RBM6: variants seen among roughly 807,000 people sequenced by gnomAD.
The protein encoded by RBM6 is RNA-binding protein 6.
Under a neutral mutation model 140.4 loss-of-function variants are expected in RBM6, and 23 were observed. The observed-to-expected ratio is 0.16, with a 90% confidence interval of 0.12 to 0.23. RBM6 has a LOEUF of 0.23. Among genes scored for constraint, RBM6 ranks in the 10% least tolerant of loss-of-function variants. The probability of loss-of-function intolerance (pLI) is 1.00; values close to 1 mark genes in which losing one functional copy is unlikely to be tolerated. For missense variants in RBM6, 1,139 were observed against 1,386.7 expected (o/e 0.82, Z 2.84); for synonymous variants, 439 against 475.6 (o/e 0.92, Z 1.00).
chr3:49,984,634 TCGCATCGCATCGCATCGCATCGC>T (rs2085474848), intron 5 of RBM6, among the ~76,000 whole-genome samples: 3 of 52,952 alleles, frequency 5.7e-5, no homozygotes, highest in African/African-American at 1.7e-4. Flanking sequence ...TCGCATCGCA[TCGCATCGCATCGCATCGCATCGC>T]ATCGCATTGC....
intron 1 of RBM6, among the ~76,000 whole-genome samples, chr3:49,949,879 C>A (rs987648534): frequency 6.6e-6 from 1 of 152,012 alleles, no homozygotes; most frequent in East Asian, 1.9e-4. Flanking sequence ...TATACCACCA[C>A]GCTCAGCTAA....
At chr3:49,989,729 CA>C in intron 5 of RBM6, among the ~76,000 whole-genome samples, 1 of 152,164 alleles carries the variant, frequency 6.6e-6, no homozygotes, top group East Asian at 1.9e-4. Context: ...AAGTTGCTAA[CA>C]GACGTTATTT....
intron 6 of RBM6, among the ~76,000 whole-genome samples, chr3:50,030,478 A>G (rs1387521626): frequency 6.6e-6 from 1 of 152,070 alleles, no homozygotes; most frequent in Non-Finnish European, 1.5e-5. Context: ...CTTTTGTTCC[A>G]CTACCTACTT....
chr3:49,973,489 A>C (rs941396376), intron 4 of RBM6, among the ~76,000 whole-genome samples: 38 of 152,116 alleles, frequency 2.5e-4, no homozygotes, highest in Non-Finnish European at 8.8e-5. Flanking sequence ...GAAACTGGAC[A>C]CTAAAAGGTT....
chr3:49,951,616 G>C (rs943421471), intron 1 of RBM6, among the ~76,000 whole-genome samples: 1 of 151,798 alleles, frequency 6.6e-6, no homozygotes, highest in African/African-American at 2.4e-5. Context: ...TGTTGCCCAG[G>C]CTGGAGTGCA....
At chr3:50,071,668 T>TA (rs2090301762) in intron 19 of RBM6, among the ~76,000 whole-genome samples, 1 of 152,050 alleles carries the variant, frequency 6.6e-6, no homozygotes. Flanking sequence ...GAGTGTGGCT[T>TA]AGAGAGAGGT....
chr3:50,006,020 G>A (rs567916530), intron 6 of RBM6, among the ~76,000 whole-genome samples: 3 of 152,036 alleles, frequency 2.0e-5, no homozygotes, highest in Non-Finnish European at 2.9e-5. Flanking sequence ...TGAGTTTAAG[G>A]ATCGATGACT....
intron 1 of RBM6, among the ~76,000 whole-genome samples, chr3:49,955,084 C>T (rs931078416): frequency 6.7e-6 from 1 of 149,588 alleles, no homozygotes; most frequent in African/African-American, 2.4e-5. Flanking sequence ...AAACTTAATA[C>T]ATAATAGCTT....
intron 4 of RBM6, 130 bp from the exon 5 acceptor site, chr3:49,975,193 A>G (rs1393481652): frequency 1.6e-5 from 12 of 765,948 alleles, no homozygotes; most frequent in African/African-American, 5.2e-5. Flanking sequence ...TTGAGTGTTC[A>G]TAGTTTAACT....
intron 4 of RBM6, among the ~76,000 whole-genome samples, chr3:49,974,080 G>A (rs2084939858): frequency 6.6e-6 from 1 of 151,450 alleles, no homozygotes. Context: ...TGTATTTTTA[G>A]TAGAGACGGG....
Position 49,962,506 on chromosome 3 carries a change from G to A in RBM6, c.-66-70G>A. 1.1e-5 allele frequency: 8 copies of A among 717,754 alleles called. No homozygotes were observed. In the South Asian group the frequency reaches 1.4e-4, roughly 13 times the overall value. 44.5% of individuals were successfully genotyped at this position (717,754 alleles called of 1,614,324 possible). On this transcript the variant is annotated intron_variant, in intron 1 of 20. Transcript: ENST00000266022. ...GCTGATGTGGTCCCTCATAAACCAA[G>A]CAGTGGGAAACTGGTTTAGCTTTTA... is the stretch of plus-strand genomic sequence containing the variant.
At chr3:50,065,578 G>A in intron 16 of RBM6, 2 of 457,332 alleles carry the variant, frequency 4.4e-6, no homozygotes, top group South Asian at 3.1e-5. Context: ...CCATTTTTTA[G>A]ATGCCTTCAA....
chr3:49,941,911 C>T (rs909182512), intron 1 of RBM6, among the ~76,000 whole-genome samples: 56 of 147,916 alleles, frequency 3.8e-4, no homozygotes, highest in African/African-American at 1.3e-3. Flanking sequence ...TGGGCAACAT[C>T]GCAAAACCCT....
chr3:50,006,589 C>G (rs973825719), intron 6 of RBM6, among the ~76,000 whole-genome samples: 5 of 152,128 alleles, frequency 3.3e-5, no homozygotes, highest in Non-Finnish European at 5.9e-5. Flanking sequence ...TTAACGTACT[C>G]TCACACACAT....
intron 3 of RBM6, among the ~76,000 whole-genome samples, chr3:49,969,504 T>C (rs2084682489): frequency 6.8e-6 from 1 of 147,296 alleles, no homozygotes; most frequent in South Asian, 2.1e-4. Flanking sequence ...TATATGAATA[T>C]ATATTTATAT....
chr3:50,064,538 G>C (rs2090052325), intron 15 of RBM6, among the ~76,000 whole-genome samples: 1 of 151,902 alleles, frequency 6.6e-6, no homozygotes, highest in Admixed American at 6.6e-5. Flanking sequence ...TTGAGACAGA[G>C]TCTCTCTCTG....
At chr3:50,021,260 T>A (rs1009504143) in intron 6 of RBM6, among the ~76,000 whole-genome samples, 7 of 152,224 alleles carry the variant, frequency 4.6e-5, no homozygotes, top group African/African-American at 1.7e-4. Flanking sequence ...TCTATCTGTG[T>A]ATCTATCTGT....
intron 1 of RBM6, among the ~76,000 whole-genome samples, chr3:49,946,457 C>T (rs1252786984): frequency 1.3e-5 from 2 of 152,088 alleles, no homozygotes; most frequent in Non-Finnish European, 2.9e-5. Flanking sequence ...CCAGGCTGGT[C>T]TTGAACTCCT....
rs551048701 is a variant in RBM6 at position 49,956,027 on chromosome 3, A to C, written c.-66-6549A>C. 5.3e-5 allele frequency among the ~76,000 whole-genome samples: 8 copies of C among 151,256 alleles called. No homozygotes were observed. The South Asian group carries it at 1.7e-3, about 32-fold the overall frequency. On this transcript the variant is annotated intron_variant, in intron 1 of 20. Transcript: ENST00000266022. ...TTTTTTTTTTTTGGTAGTGAAAAAA[A>C]ATTTTTTTTTTTTGAGAGCATGAGA...
Sources: allele counts gnomAD v4.1 joint callset (sites outside exome capture counted in the v4.1 genomes callset), GRCh38; gene constraint gnomAD v4.1.1; transcripts MANE v1.5; gene names NCBI Gene and HGNC (gene_info 2026-07-23, HGNC 2026-07-21).